AMOT: variants seen among roughly 807,000 people sequenced by gnomAD.
AMOT encodes the protein angiomotin.
AMOT carries 11 observed loss-of-function variants against 67.0 expected under a neutral mutation model. That is an observed-to-expected ratio of 0.16 (90% CI 0.10 to 0.27). The LOEUF (loss-of-function observed/expected upper bound fraction) is 0.27, where lower values mean the gene tolerates loss of function less well. Among genes scored for constraint, AMOT ranks in the 10% least tolerant of loss-of-function variants. AMOT has a pLI of 1.00. For missense variants in AMOT, 753 were observed against 852.0 expected, an observed-to-expected ratio of 0.88 and a Z score of 1.45; for synonymous variants, 326 against 321.4, an observed-to-expected ratio of 1.01 and a Z score of -0.15.
intron 1 of AMOT, among the ~76,000 whole-genome samples, chrX:112,838,113 A>G (rs1935174431): frequency 9.0e-6 from 1 of 111,635 alleles, no homozygotes; most frequent in African/African-American, 3.3e-5. Flanking sequence ...GCATTTCCCA[A>G]GAGGGAATAT....
chrX:112,806,092 G>A (rs1376487824), intron 7 of AMOT, among the ~76,000 whole-genome samples: 3 of 108,860 alleles, frequency 2.8e-5, no homozygotes, highest in African/African-American at 6.7e-5. Flanking sequence ...ATGGTGAAAC[G>A]CTGTCTCTAC....
rs777729726 is a variant in AMOT, at chrX:112,817,830, A to T, written c.873-1953T>A. On this transcript the variant is annotated intron_variant, in intron 4 of 13. Transcript: ENST00000371959. ...AATATTTTTCCCCAGAGCTCAAAGCACTCATTCAATCAAAAGCCTGGGAGT... is the reference window on the plus strand; with the variant it reads ...AATATTTTTCCCCAGAGCTCAAAGCTCTCATTCAATCAAAAGCCTGGGAGT... 1.2e-4 allele frequency among the ~76,000 whole-genome samples: 13 copies of T among 112,253 alleles called. No individual in the cohort carries two copies. In the East Asian group the frequency reaches 3.6e-3, roughly 31 times the overall value.
rs767524691 is a variant in AMOT at position 112,777,044 on chromosome X, CCA to C, written c.*1521_*1522del. 1 of 111,413 alleles carries C rather than the reference CCA, an allele frequency of 9.0e-6. No homozygotes were observed. Among genetic ancestry groups the C allele is most frequent in the Non-Finnish European group, 1.9e-5 (1 of 53,070 alleles). The allele number at this position is 111,413 out of a possible 1,213,427, so 9.2% of individuals were successfully genotyped here. ...GCTATATTGCTAAAGTTCTTTCCCA[CCA>C]CTATGGCTCATGATGTAATATATCA... On this transcript the variant is annotated 3_prime_UTR_variant, in exon 14 of 14. Transcript: ENST00000371959.
At chrX:112,824,626 G>A (rs998141619) in intron 3 of AMOT, among the ~76,000 whole-genome samples, 4 of 111,078 alleles carry the variant, frequency 3.6e-5, no homozygotes, top group Admixed American at 1.9e-4. Context: ...CTGACAACAC[G>A]AAGGGACCCT....
intron 3 of AMOT, 138 bp from the exon 4 acceptor site, chrX:112,823,326 G>T (rs1435768829): frequency 1.4e-5 from 6 of 438,149 alleles, no homozygotes; most frequent in Non-Finnish European, 2.3e-5. Context: ...TTAATAGATT[G>T]TTGGGGATTC....
chrX:112,791,927 C>T lies in AMOT; in HGVS notation c.1831G>A (p.Val611Ile). ...TTTTCACATGCTGCCTGGAGCTGTA[C>T]AAGGGCCTGCTGCATCTTCTCCACC... ...DKVEKMQQAL[V>I]QLQAACEKRE... The change falls in exon 9 of 14, where the codon GTA (valine) becomes ATA (isoleucine). Residue 611 changes from valine to isoleucine, a missense_variant. Physicochemically the swap from Val to Ile is conservative, Grantham distance 29. This residue lies in a region of AMOT where 66 missense variants were observed against 112.9 expected (regional missense o/e 0.58). Coordinates refer to ENST00000371959, the MANE Select transcript of AMOT (RefSeq NM_001113490.2). 1.7e-6 allele frequency: 2 copies of T among 1,211,802 alleles called. No individual in the cohort carries two copies. The highest frequency in any genetic ancestry group is 2.2e-6 in the Non-Finnish European group (2 of 895,478).
chrX:112,810,468 G>A (rs1411565808), intron 6 of AMOT, among the ~76,000 whole-genome samples: 2 of 111,743 alleles, frequency 1.8e-5, no homozygotes, highest in Non-Finnish European at 3.8e-5. Flanking sequence ...CAGCACTTTG[G>A]GAGGCCACGG....
intron 7 of AMOT, among the ~76,000 whole-genome samples, chrX:112,805,966 T>A (rs1157625001): frequency 9.0e-6 from 1 of 111,455 alleles, no homozygotes; most frequent in African/African-American, 3.3e-5. Context: ...CAGTTTTTTT[T>A]AAATAAAGTA....
At chrX:112,804,898 T>TGCCCCCCCCCCCC in intron 8 of AMOT, 49 bp downstream of exon 8, 1 of 837,585 alleles carries the variant, frequency 1.2e-6, no homozygotes, top group African/African-American at 2.0e-5. Flanking sequence ...GTCCCCGATT[T>TGCCCCCCCCCCCC]CCCAGCCCTC....
In AMOT at chrX:112,815,463, G is replaced by A. The variant is rs746797639; in HGVS notation, c.1287C>T (p.Ala429=). The stretch of plus-strand genomic sequence containing the variant: ...CCATCTGCTGGGCTCTGGAAACAAT[G>A]GCAAAAGGGTCTGCTGGCACTGGCT... ...SYQPVPADPF[A]IVSRAQQMVE... The change falls in exon 5 of 14, where the codon GCC becomes GCT. Residue 429 remains alanine, a synonymous_variant. Transcript: ENST00000371959. The A allele has an allele frequency of 2.5e-6, 3 of 1,211,702 alleles. No homozygotes were observed. The highest frequency in any genetic ancestry group is 4.3e-5 in the Admixed American group (2 of 46,004).
intron 1 of AMOT, among the ~76,000 whole-genome samples, chrX:112,834,293 T>C (rs1266505421): frequency 8.9e-6 from 1 of 111,775 alleles, no homozygotes; most frequent in Non-Finnish European, 1.9e-5. Flanking sequence ...AATATGCTCT[T>C]AAAAAACACA....
chrX:112,792,277 G>C (rs1933638708), intron 8 of AMOT, among the ~76,000 whole-genome samples: 1 of 112,283 alleles, frequency 8.9e-6, no homozygotes, highest in Admixed American at 9.4e-5. Context: ...AGATGGCCAA[G>C]TTTTTCAGAT....
Position 112,791,874 on chromosome X carries a change from C to G in AMOT, c.1884G>C (p.Arg628=), listed in dbSNP as rs1335413792. 8.3e-7 allele frequency: 1 copy of G among 1,211,958 alleles called. No individual in the cohort carries two copies. The highest frequency in any genetic ancestry group is 1.7e-5 in the African/African-American group (1 of 57,838). The change falls in exon 9 of 14, where the codon CGG becomes CGC. Residue 628 remains arginine, a synonymous_variant. Coordinates refer to ENST00000371959, the MANE Select transcript of AMOT (RefSeq NM_001113490.2). ...ATTCCAGTTCCCTCTCCAGTCGTGTCCGGAGACGGTGCTCTAGCTGCTCAC... is the reference window on the plus strand; with the variant it reads ...ATTCCAGTTCCCTCTCCAGTCGTGTGCGGAGACGGTGCTCTAGCTGCTCAC... ...EKREQLEHRL[R]TRLERELESL...
chrX:112,819,370 T>C, intron 4 of AMOT: 1 of 754,509 alleles, frequency 1.3e-6, no homozygotes, highest in Non-Finnish European at 1.6e-6. Flanking sequence ...AATCGGTGAA[T>C]CTGTGAATCC....
chrX:112,807,046 C>A (rs1345917815), intron 7 of AMOT, among the ~76,000 whole-genome samples: 2 of 111,554 alleles, frequency 1.8e-5, no homozygotes, highest in Non-Finnish European at 3.8e-5. Context: ...AGAACCTAAT[C>A]TATGAGTTTT....
intron 6 of AMOT, among the ~76,000 whole-genome samples, chrX:112,811,004 C>A (rs1934346067): frequency 1.8e-5 from 2 of 111,944 alleles, no homozygotes; most frequent in Admixed American, 1.9e-4. Flanking sequence ...GGGATCCTGC[C>A]TGATTAACAC....
At chrX:112,805,198 G>C (rs1934135339) in intron 7 of AMOT, 106 bp from the exon 8 acceptor site, 18 of 942,817 alleles carry the variant, frequency 1.9e-5, no homozygotes, top group South Asian at 5.2e-5. Flanking sequence ...TACTGCTCTA[G>C]TGCACAGCTG....
chrX:112,780,950 G>A lies in AMOT; in HGVS notation c.2409C>T (p.Ser803=), dbSNP rs1191858130. ...CCATGATGGGGGAGCCAGTCAGGGTGGATGAGTGGGAGAGCAAGCCTGATC... is the reference window on the plus strand; with the variant it reads ...CCATGATGGGGGAGCCAGTCAGGGTAGATGAGTGGGAGAGCAAGCCTGATC... ...NAGSGLLSHS[S]TLTGSPIMEE... is the part of the protein sequence containing the mutation. Residue 803 remains serine (S), a synonymous_variant, in exon 12 of 14, where the codon TCC becomes TCT. Transcript: ENST00000371959. 1.1e-5 allele frequency: 13 copies of A among 1,212,049 alleles called. No homozygotes were observed. Among genetic ancestry groups the A allele is most frequent in the Non-Finnish European group, 1.2e-5 (11 of 895,579 alleles).
intron 12 of AMOT, among the ~76,000 whole-genome samples, 188 bp from the exon 13 acceptor site, chrX:112,779,868 T>G (rs763405467): frequency 2.1e-3 from 236 of 110,742 alleles, no homozygotes; most frequent in Non-Finnish European, 3.4e-3. Flanking sequence ...AAGTTATTTA[T>G]TTTTGCCTCC....
Sources: gnomAD v4.1 joint callset for allele counts (sites outside exome capture counted in the v4.1 genomes callset) on GRCh38, gnomAD v4.1.1 for gene constraint, gnomAD v4.1.1 regional missense constraint, MANE v1.5 for transcripts, NCBI Gene and HGNC (gene_info 2026-07-23, HGNC 2026-07-21) for gene names.